Variants in NKAIN2 observed in about 807,000 individuals in gnomAD.
NKAIN2 encodes sodium/potassium transporting ATPase interacting 2.
A neutral mutation model predicts 32.6 loss-of-function variants in NKAIN2; 14 were observed. The observed-to-expected ratio is 0.43, with a 90% CI of 0.28 to 0.67. The LOEUF is 0.67. NKAIN2 is among the 30% of genes least tolerant of loss of function. The probability of loss-of-function intolerance (pLI) is 0.17; values close to 1 mark genes in which losing one functional copy is unlikely to be tolerated. For synonymous variants in NKAIN2, 80 were observed against 87.2 expected, an observed-to-expected ratio of 0.92 and a Z score of 0.46; for missense variants, 198 against 258.3, an observed-to-expected ratio of 0.77 and a Z score of 1.60.
chr6:124,229,395 C>G (rs1305649669), intron 1 of NKAIN2, among the ~76,000 whole-genome samples: 1 of 152,082 alleles, frequency 6.6e-6, no homozygotes, highest in Non-Finnish European at 1.5e-5. Context: ...CTAAACATGT[C>G]AGGAAGAAGT....
intron 3 of NKAIN2, among the ~76,000 whole-genome samples, chr6:124,385,495 A>G (rs1399986460): frequency 1.3e-5 from 2 of 152,140 alleles, no homozygotes; most frequent in Non-Finnish European, 2.9e-5. Flanking sequence ...AAACATAAAG[A>G]TCACCAGGAT....
At chr6:124,179,853 G>T (rs1789348795) in intron 1 of NKAIN2, among the ~76,000 whole-genome samples, 1 of 152,212 alleles carries the variant, frequency 6.6e-6, no homozygotes, top group African/African-American at 2.4e-5. Context: ...GACACTTGAA[G>T]ATGTTGGTTG....
At chr6:124,267,075 G>C (rs1472790208) in intron 1 of NKAIN2, among the ~76,000 whole-genome samples, 1 of 151,638 alleles carries the variant, frequency 6.6e-6, no homozygotes, top group African/African-American at 2.4e-5. Context: ...ATCACAGGAA[G>C]CTTTGCCAAC....
At chr6:123,951,621 C>T (rs890728334) in intron 1 of NKAIN2, among the ~76,000 whole-genome samples, 3 of 151,668 alleles carry the variant, frequency 2.0e-5, no homozygotes, top group East Asian at 1.9e-4. Flanking sequence ...TTCTTCCATC[C>T]GTTTACTTTC....
At chr6:124,735,667 G>T (rs1415130559) in intron 4 of NKAIN2, among the ~76,000 whole-genome samples, 1 of 151,578 alleles carries the variant, frequency 6.6e-6, no homozygotes, top group Non-Finnish European at 1.5e-5. Flanking sequence ...GTCACATTTG[G>T]GTAGTTCTCA....
At chr6:124,118,522 G>A (rs1035558007) in intron 1 of NKAIN2, among the ~76,000 whole-genome samples, 6 of 152,046 alleles carry the variant, frequency 3.9e-5, no homozygotes, top group Non-Finnish European at 8.8e-5. Context: ...TCCAGTTCTC[G>A]TAGGGAGCAC....
At chr6:124,688,561 T>A in intron 4 of NKAIN2, among the ~76,000 whole-genome samples, 1 of 152,124 alleles carries the variant, frequency 6.6e-6, no homozygotes, top group East Asian at 1.9e-4. Context: ...TAATAACATG[T>A]ATCTACCATT....
intron 1 of NKAIN2, among the ~76,000 whole-genome samples, chr6:123,836,646 A>G (rs1332399207): frequency 6.6e-6 from 1 of 151,900 alleles, no homozygotes; most frequent in Non-Finnish European, 1.5e-5. Context: ...CTGGACCAAA[A>G]AAAAAAGGTG....
chr6:123,920,786 A>G (rs549033171), intron 1 of NKAIN2, among the ~76,000 whole-genome samples: 4 of 152,360 alleles, frequency 2.6e-5, no homozygotes, highest in African/African-American at 9.6e-5. Context: ...TGTAATGGAC[A>G]AAAACAAGAA....
chr6:124,804,448 C>A, intron 5 of NKAIN2: 1 of 925,248 alleles, frequency 1.1e-6, no homozygotes, highest in Non-Finnish European at 1.3e-6. Flanking sequence ...TTGCTTTTCA[C>A]TTTCATTGTT....
chr6:124,337,253 T>C (rs979439303), intron 2 of NKAIN2, among the ~76,000 whole-genome samples: 1 of 152,136 alleles, frequency 6.6e-6, no homozygotes, highest in Non-Finnish European at 1.5e-5. Flanking sequence ...TCCCATCACA[T>C]TGGGAGGCCA....
intron 4 of NKAIN2, among the ~76,000 whole-genome samples, chr6:124,770,473 C>A (rs1778699665): frequency 6.6e-6 from 1 of 152,124 alleles, no homozygotes; most frequent in Non-Finnish European, 1.5e-5. Context: ...ATTTCCATTT[C>A]CCCAGAGAAT....
chr6:124,299,159 A>G (rs1014591972), intron 2 of NKAIN2, among the ~76,000 whole-genome samples: 2 of 152,234 alleles, frequency 1.3e-5, no homozygotes, highest in African/African-American at 4.8e-5. Flanking sequence ...CTGAAGGACA[A>G]GAAGAGAAAG....
At chr6:124,760,167 G>A (rs772281382) in intron 4 of NKAIN2, among the ~76,000 whole-genome samples, 26 of 152,092 alleles carry the variant, frequency 1.7e-4, no homozygotes, top group Middle Eastern at 6.8e-3. Flanking sequence ...ACCAAACACC[G>A]CATGTTCTCA....
chr6:124,711,029 G>T (rs1775422698), intron 4 of NKAIN2, among the ~76,000 whole-genome samples: 1 of 147,346 alleles, frequency 6.8e-6, no homozygotes, highest in Non-Finnish European at 1.5e-5. Context: ...AGGCCTGGTG[G>T]TGACAAAATC....
intron 3 of NKAIN2, among the ~76,000 whole-genome samples, chr6:124,556,862 C>T (rs1239925292): frequency 6.6e-6 from 1 of 152,002 alleles, no homozygotes; most frequent in Non-Finnish European, 1.5e-5. Context: ...TCAAATGCTC[C>T]TTCAGCTCCA....
chr6:124,675,770 T>A (rs1393992572), intron 4 of NKAIN2, among the ~76,000 whole-genome samples: 1 of 151,954 alleles, frequency 6.6e-6, no homozygotes, highest in Non-Finnish European at 1.5e-5. Flanking sequence ...ATATTGTTGA[T>A]CTTTTCAAAA....
intron 3 of NKAIN2, among the ~76,000 whole-genome samples, chr6:124,404,676 C>G (rs770866619): frequency 6.6e-6 from 1 of 151,722 alleles, no homozygotes; most frequent in Non-Finnish European, 1.5e-5. Flanking sequence ...TCTCAAAACA[C>G]TTATTTTTTG....
At chr6:124,223,862 G>T (rs190597664) in intron 1 of NKAIN2, among the ~76,000 whole-genome samples, 32 of 152,252 alleles carry the variant, frequency 2.1e-4, no homozygotes, top group African/African-American at 7.7e-4. Context: ...AAAATATAGA[G>T]ATCTGCATAG....
Sources: gnomAD v4.1 joint callset for allele counts (sites outside exome capture counted in the v4.1 genomes callset) on GRCh38, gnomAD v4.1.1 for gene constraint, MANE v1.5 for transcripts, NCBI Gene and HGNC (gene_info 2026-07-23, HGNC 2026-07-21) for gene names.